CLDN18: variants seen among roughly 807,000 people sequenced by gnomAD.
CLDN18 encodes claudin 18, also known as claudin-18.
A neutral mutation model predicts 25.0 loss-of-function variants in CLDN18; 20 were observed. The ratio of observed to expected loss-of-function variants is 0.80; its 90% CI spans 0.56 to 1.16. CLDN18 has a LOEUF of 1.16. Ranked by LOEUF, CLDN18 falls within the 50% of genes most tolerant of loss-of-function variation. The pLI, the probability that CLDN18 is intolerant of heterozygous loss-of-function variation, is 0.00. For synonymous variants in CLDN18, 125 were observed against 135.6 expected, an observed-to-expected ratio of 0.92 and a Z score of 0.54; for missense variants, 297 against 345.4, an observed-to-expected ratio of 0.86 and a Z score of 1.11.
intron 4 of CLDN18, 65 bp downstream of exon 4, chr3:138,029,972 C>T: frequency 2.0e-6 from 2 of 1,022,184 alleles, no homozygotes; most frequent in Non-Finnish European, 1.5e-6. Context: ...TAATGTATAA[C>T]TTGCAGCCAA....
chr3:138,011,271 G>T (rs1942134756), intron 1 of CLDN18, among the ~76,000 whole-genome samples: 2 of 152,162 alleles, frequency 1.3e-5, no homozygotes, highest in Non-Finnish European at 2.9e-5. Flanking sequence ...GTGTGATGGA[G>T]AAAGGAGAAC....
intron 1 of CLDN18, among the ~76,000 whole-genome samples, chr3:137,999,854 C>T (rs887496469): frequency 6.6e-6 from 1 of 152,280 alleles, no homozygotes; most frequent in East Asian, 1.9e-4. Context: ...AAATTCAAGT[C>T]ACAAGAGTAG....
chr3:138,009,792 C>T (rs1030192205), upstream of CLDN18, among the ~76,000 whole-genome samples: 6 of 152,236 alleles, frequency 3.9e-5, no homozygotes, highest in African/African-American at 1.4e-4. Context: ...AGACAGAGCA[C>T]GGTGGGTGCT....
chr3:138,023,756 G>A lies in CLDN18; in HGVS notation c.319G>A (p.Gly107Ser). ...SIFALKCIRI[G>S]SMEDSAKANM... Reference sequence around the variant, plus strand: ...CTTTGCCCTGAAATGCATCCGCATTGGCAGCATGGAGGACTCTGCCAAAGC... The same window carrying A: ...CTTTGCCCTGAAATGCATCCGCATTAGCAGCATGGAGGACTCTGCCAAAGC... The change falls in exon 2 of 5, where the codon GGC (glycine) becomes AGC (serine). Residue 107 changes from glycine to serine, a missense_variant. Gly to Ser is a moderately conservative substitution (Grantham distance 56). Coordinates refer to ENST00000183605, the MANE Select transcript of CLDN18 (RefSeq NM_016369.4). 1 of 1,614,048 alleles carries A rather than the reference G, an allele frequency of 6.2e-7. No individual in the cohort carries two copies. The highest frequency in any genetic ancestry group is 8.5e-7 in the Non-Finnish European group (1 of 1,179,982).
rs1340696645 is a variant in CLDN18, at chr3:138,029,843, C to T, written c.550C>T (p.Leu184Phe). 2 of 1,596,342 alleles carry T rather than the reference C, an allele frequency of 1.3e-6. No individual in the cohort carries two copies. Among genetic ancestry groups the T allele is most frequent in the Non-Finnish European group, 8.5e-7 (1 of 1,172,378 alleles). ...GTTCGTGGGCTGGGTCGCTGGAGGC[C>T]TCACACTAATTGGGGGTGTGATGAT... ...ALFVGWVAGGLTLIGGVMMCI... is the reference protein window; with the variant it reads ...ALFVGWVAGGFTLIGGVMMCI... Residue 184 changes from leucine to phenylalanine, a missense_variant, in exon 4 of 5, where the codon CTC (leucine) becomes TTC (phenylalanine). Physicochemically the swap from Leu to Phe is conservative, Grantham distance 22. Coordinates refer to ENST00000183605, the MANE Select transcript of CLDN18 (RefSeq NM_016369.4).
intron 4 of CLDN18, 123 bp downstream of exon 4, chr3:138,030,030 A>G: frequency 1.5e-6 from 1 of 666,870 alleles, no homozygotes; most frequent in Non-Finnish European, 2.7e-6. Context: ...TGACTTAAGG[A>G]TTATCGAAGC....
Position 138,010,533 on chromosome 3 carries a change from G to C in CLDN18, c.220+88G>C, listed in dbSNP as rs570192498. ...GCGTTAAGCCCCACTCCCACCTCTG[G>C]GTGAGGACCCTGGCAGCTCTGGCTC... On this transcript the variant is annotated intron_variant, in intron 1 of 4. Transcript: ENST00000183605. The C allele has an allele frequency of 3.4e-5, 52 of 1,524,218 alleles. No homozygotes were observed. In the Admixed American group the frequency reaches 6.7e-4, roughly 20 times the overall value. 94.4% of individuals were successfully genotyped at this position (1,524,218 alleles called of 1,614,324 possible).
intron 1 of CLDN18, among the ~76,000 whole-genome samples, chr3:138,004,081 A>G (rs1277393505): frequency 6.6e-5 from 10 of 152,064 alleles, no homozygotes; most frequent in African/African-American, 2.4e-4. Context: ...GGCTGAGGCA[A>G]GAGAATCACT....
At chr3:138,013,855 T>C (rs940719554) in intron 1 of CLDN18, among the ~76,000 whole-genome samples, 1 of 152,134 alleles carries the variant, frequency 6.6e-6, no homozygotes, top group African/African-American at 2.4e-5. Flanking sequence ...CAAGATAATA[T>C]ATAGCGTGTA....
In CLDN18 at chr3:138,029,861, G is replaced by T; in HGVS notation, c.568G>T (p.Val190Leu). 6.3e-7 allele frequency: 1 copy of T among 1,599,220 alleles called. No homozygotes were observed. The highest frequency in any genetic ancestry group is 8.5e-7 in the Non-Finnish European group (1 of 1,173,556). ...VAGGLTLIGG[V>L]MMCIACRGLA... ...TGGAGGCCTCACACTAATTGGGGGTGTGATGATGTGCATCGCCTGCCGGGG... is the reference window on the plus strand; with the variant it reads ...TGGAGGCCTCACACTAATTGGGGGTTTGATGATGTGCATCGCCTGCCGGGG... The change falls in exon 4 of 5, where the codon GTG (valine) becomes TTG (leucine). Residue 190 changes from valine to leucine, a missense_variant. Coordinates refer to ENST00000183605, the MANE Select transcript of CLDN18 (RefSeq NM_016369.4).
intron 1 of CLDN18, among the ~76,000 whole-genome samples, chr3:138,018,103 G>C (rs570070003): frequency 6.6e-6 from 1 of 152,302 alleles, no homozygotes; most frequent in Non-Finnish European, 1.5e-5. Flanking sequence ...TCTCACCTTA[G>C]AGGATGTCTT....
intron 1 of CLDN18, among the ~76,000 whole-genome samples, chr3:138,020,376 A>C (rs982008814): frequency 3.9e-5 from 6 of 152,242 alleles, no homozygotes; most frequent in African/African-American, 1.4e-4. Context: ...GATCAATGGG[A>C]TAGAACTAGA....
At chr3:138,013,376 A>G (rs1313762901) in intron 1 of CLDN18, among the ~76,000 whole-genome samples, 1 of 152,192 alleles carries the variant, frequency 6.6e-6, no homozygotes, top group African/African-American at 2.4e-5. Context: ...CTGCTGCTGC[A>G]ACAAACAAAC....
chr3:138,020,821 T>C (rs571034195), intron 1 of CLDN18, among the ~76,000 whole-genome samples: 1 of 152,310 alleles, frequency 6.6e-6, no homozygotes, highest in African/African-American at 2.4e-5. Flanking sequence ...GTCTCCAAAT[T>C]TGGAGGATAC....
chr3:138,029,117 A>G (rs961706500), intron 3 of CLDN18, among the ~76,000 whole-genome samples: 1 of 152,222 alleles, frequency 6.6e-6, no homozygotes, highest in Admixed American at 6.5e-5. Flanking sequence ...CTGAGAACTC[A>G]AAGAACTAAA....
intron 1 of CLDN18, among the ~76,000 whole-genome samples, chr3:138,002,343 T>G (rs1457931101): frequency 1.3e-5 from 2 of 152,174 alleles, no homozygotes; most frequent in African/African-American, 4.8e-5. Context: ...TGCCAATAAT[T>G]GTTGCAATCA....
At chr3:138,030,281 G>A (rs991660434) in intron 4 of CLDN18, among the ~76,000 whole-genome samples, 3 of 152,250 alleles carry the variant, frequency 2.0e-5, no homozygotes, top group African/African-American at 7.2e-5. Flanking sequence ...CCTCTGGCGG[G>A]TAGAGGCCAG....
chr3:138,027,552 T>G (rs1942340739), intron 3 of CLDN18, among the ~76,000 whole-genome samples: 2 of 152,252 alleles, frequency 1.3e-5, no homozygotes, highest in Non-Finnish European at 2.9e-5. Context: ...TTACTTAACC[T>G]TGCTGAGCCT....
At chr3:138,006,108 C>T (rs914266885), upstream of CLDN18, among the ~76,000 whole-genome samples, 4 of 152,064 alleles carry the variant, frequency 2.6e-5, no homozygotes, top group African/African-American at 9.7e-5. Context: ...AATATTTTGT[C>T]TAGGGCTTAA....
Sources: gnomAD v4.1 joint callset for allele counts (sites outside exome capture counted in the v4.1 genomes callset) on GRCh38, gnomAD v4.1.1 for gene constraint, MANE v1.5 for transcripts, NCBI Gene and HGNC (gene_info 2026-07-23, HGNC 2026-07-21) for gene names.